Variants in OCA2 observed in about 807,000 individuals in gnomAD.
OCA2 encodes the protein OCA2 melanosomal transmembrane protein.
OCA2 carries 77 observed loss-of-function variants against 100.2 expected under a neutral mutation model. The ratio of observed to expected loss-of-function variants is 0.77; its 90% CI spans 0.64 to 0.93. OCA2 has a LOEUF of 0.93. Ranked by LOEUF, OCA2 falls within the 40% of genes least tolerant of loss-of-function variation. The pLI is 0.00. For synonymous variants in OCA2, 432 were observed against 439.2 expected (o/e 0.98, Z 0.21); for missense variants, 1,062 against 1,089.1 (o/e 0.98, Z 0.35).
chr15:27,807,783 T>C (rs1400091768), intron 23 of OCA2, among the ~76,000 whole-genome samples: 5 of 152,214 alleles, frequency 3.3e-5, no homozygotes, highest in African/African-American at 2.4e-5. Context: ...TGAAAAGCTC[T>C]CTAGAGCAAA....
chr15:28,033,566 C>T (rs141944769), intron 2 of OCA2, among the ~76,000 whole-genome samples: 331 of 152,188 alleles, frequency 2.2e-3, no homozygotes, highest in Middle Eastern at 3.4e-3. Context: ...ATCCGCTGGG[C>T]GTCATCTCTG....
At chr15:27,892,426 G>A (rs532049278) in intron 19 of OCA2, among the ~76,000 whole-genome samples, 1 of 152,154 alleles carries the variant, frequency 6.6e-6, no homozygotes, top group South Asian at 2.1e-4. Context: ...ATCTCTAAAT[G>A]CATGGAAATT....
At chr15:27,981,002 T>G (rs1221472511) in intron 14 of OCA2, among the ~76,000 whole-genome samples, 5 of 152,228 alleles carry the variant, frequency 3.3e-5, no homozygotes, top group Non-Finnish European at 5.9e-5. Context: ...TTGCATATGT[T>G]AGGCCACTTG....
chr15:28,058,302 G>C (rs2043767308), intron 2 of OCA2, among the ~76,000 whole-genome samples: 1 of 152,234 alleles, frequency 6.6e-6, no homozygotes, highest in South Asian at 2.1e-4. Flanking sequence ...CCTGGCTGCT[G>C]CCACCCTTGC....
rs1296915476 is a variant in OCA2 at position 27,814,924 on chromosome 15, AT to A, written c.2432+30034del. Among the ~76,000 whole-genome samples the A allele has an allele frequency of 1.3e-4, 20 of 150,480 alleles. 1 individual carries two copies. The highest frequency in any genetic ancestry group is 4.7e-4 in the African/African-American group (19 of 40,762). ...GATAGATAGATAGATAGATAGATAGATAGATAGATAGATAGATAGATACAGA... is the reference window on the plus strand; with the variant it reads ...GATAGATAGATAGATAGATAGATAGAAGATAGATAGATAGATAGATACAGA... On this transcript the variant is annotated intron_variant, in intron 23 of 23. Transcript: ENST00000354638.
At position 27,854,183 on chromosome 15, in the gene OCA2, C is replaced by T. The variant is rs189011171; in HGVS notation, c.2245-2708G>A. 7.9e-5 allele frequency among the ~76,000 whole-genome samples: 12 copies of T among 152,336 alleles called. No individual in the cohort carries two copies. In the East Asian group the frequency reaches 2.3e-3, roughly 29 times the overall value. On this transcript the variant is annotated intron_variant, in intron 21 of 23. Transcript: ENST00000354638. The stretch of plus-strand genomic sequence containing the variant: ...ACAGAAGATCTTGTGTTTCTGCATG[C>T]CCCTCTGGAGGTTCAGGCTCTTGGC...
At chr15:28,026,377 G>A (rs534580533) in intron 4 of OCA2, among the ~76,000 whole-genome samples, 2 of 152,156 alleles carry the variant, frequency 1.3e-5, no homozygotes, top group Non-Finnish European at 1.5e-5. Context: ...CAGTGTCAGC[G>A]TTTGCCATCT....
intron 15 of OCA2, among the ~76,000 whole-genome samples, chr15:27,965,748 C>T (rs1359133695): frequency 6.6e-6 from 1 of 152,240 alleles, no homozygotes; most frequent in Non-Finnish European, 1.5e-5. Context: ...CCTGATGCCC[C>T]TGTTACCCAG....
Position 27,923,786 on chromosome 15 carries a change from T to C in OCA2, c.2079+2341A>G, listed in dbSNP as rs142953414. On this transcript the variant is annotated intron_variant, in intron 19 of 23. Transcript: ENST00000354638. ...AGACCTTTGTCAGAGATGCATAATT[T>C]GCTAAATTTTTTTCCCATTCTGTAG... is the stretch of plus-strand genomic sequence containing the variant. Among the ~76,000 whole-genome samples, 11 of 152,326 alleles carry C rather than the reference T, an allele frequency of 7.2e-5. No individual in the cohort carries two copies. The East Asian group carries it at 2.1e-3, about 29-fold the overall frequency.
chr15:27,768,240 T>G (rs2031432449), intron 23 of OCA2, among the ~76,000 whole-genome samples: 2 of 152,204 alleles, frequency 1.3e-5, no homozygotes, highest in Admixed American at 1.3e-4. Flanking sequence ...TTATACATTT[T>G]GGAAGTCATG....
chr15:28,072,456 G>A (rs1427388597), intron 2 of OCA2, among the ~76,000 whole-genome samples: 1 of 152,076 alleles, frequency 6.6e-6, no homozygotes, highest in Non-Finnish European at 1.5e-5. Flanking sequence ...TGGGCGTGGT[G>A]GCGGGTGCCT....
intron 21 of OCA2, among the ~76,000 whole-genome samples, chr15:27,869,896 C>T (rs112043152): frequency 2.6e-5 from 4 of 152,230 alleles, no homozygotes; most frequent in East Asian, 1.9e-4. Flanking sequence ...GGGCCACAGC[C>T]GGGACATTTG....
At chr15:27,814,941 T>TAGATACAG (rs928267799) in intron 23 of OCA2, among the ~76,000 whole-genome samples, 7 of 85,572 alleles carry the variant, frequency 8.2e-5, no homozygotes, top group Admixed American at 5.5e-4. Flanking sequence ...GATAGATAGA[T>TAGATACAG]AGATACAGAG....
At chr15:27,975,393 T>C (rs2040934871) in intron 14 of OCA2, among the ~76,000 whole-genome samples, 1 of 152,154 alleles carries the variant, frequency 6.6e-6, no homozygotes. Flanking sequence ...CAACTTAGGT[T>C]TTCCACTAGA....
intron 2 of OCA2, among the ~76,000 whole-genome samples, chr15:28,069,089 C>T (rs1006547685): frequency 1.3e-5 from 2 of 151,958 alleles, no homozygotes; most frequent in Non-Finnish European, 2.9e-5. Flanking sequence ...AAATTCTAGC[C>T]AAAGCAGTCA....
At chr15:27,936,180 C>T (rs2039444216) in intron 18 of OCA2, among the ~76,000 whole-genome samples, 2 of 152,224 alleles carry the variant, frequency 1.3e-5, no homozygotes, top group South Asian at 4.1e-4. Flanking sequence ...AATTCTAGCT[C>T]TCTCACTTAC....
intron 3 of OCA2, 98 bp from the exon 4 acceptor site, chr15:28,028,157 C>A: frequency 7.3e-7 from 1 of 1,362,494 alleles, no homozygotes; most frequent in South Asian, 1.2e-5. Context: ...GGCACCGAAT[C>A]AACCCTGGTC....
At chr15:27,852,546 T>A (rs1378645390) in intron 21 of OCA2, among the ~76,000 whole-genome samples, 1 of 152,064 alleles carries the variant, frequency 6.6e-6, no homozygotes, top group Non-Finnish European at 1.5e-5. Context: ...CCAAAAGCAA[T>A]GGCAACAAAA....
intron 19 of OCA2, among the ~76,000 whole-genome samples, chr15:27,911,515 G>T (rs2166914): frequency 0.054 from 8,234 of 152,254 alleles, 762 homozygotes; most frequent in African/African-American, 0.19. Flanking sequence ...ATCTGACGAG[G>T]ACCTCCGGCT....
Sources: allele counts gnomAD v4.1 joint callset (sites outside exome capture counted in the v4.1 genomes callset), GRCh38; gene constraint gnomAD v4.1.1; transcripts MANE v1.5; gene names NCBI Gene and HGNC (gene_info 2026-07-23, HGNC 2026-07-21).